Variants in PDE10A observed in about 807,000 individuals in gnomAD.
The protein encoded by PDE10A is phosphodiesterase 10A, also known as cAMP and cAMP-inhibited cGMP 3',5'-cyclic phosphodiesterase 10A.
Under a neutral mutation model 97.7 loss-of-function variants are expected in PDE10A, and 39 were observed. That is an observed-to-expected ratio of 0.40 (90% CI 0.31 to 0.52). The LOEUF (loss-of-function observed/expected upper bound fraction) is 0.52. PDE10A is among the 20% of genes least tolerant of loss of function. The pLI, the probability that PDE10A is intolerant of heterozygous loss-of-function variation, is 0.56. For synonymous variants in PDE10A, 371 were observed against 376.8 expected, an observed-to-expected ratio of 0.98 and a Z score of 0.18; for missense variants, 731 against 1,047.8, an observed-to-expected ratio of 0.70 and a Z score of 4.17.
chr6:165,501,655 G>C (rs1248002611), intron 2 of PDE10A, among the ~76,000 whole-genome samples: 3 of 152,006 alleles, frequency 2.0e-5, no homozygotes, highest in Non-Finnish European at 4.4e-5. Context: ...AAAATGCAAG[G>C]TAAGAAAACT....
chr6:165,878,169 A>AT (rs1781393127), intron 1 of PDE10A, among the ~76,000 whole-genome samples: 1 of 152,196 alleles, frequency 6.6e-6, no homozygotes, highest in African/African-American at 2.4e-5. Context: ...AACCTGCCAC[A>AT]TTTTACAAAA....
At chr6:165,788,518 C>CAAAAAAAAAAAAAAAAAAAAAAAAAAA (rs56927613) in intron 1 of PDE10A, among the ~76,000 whole-genome samples, 6 of 74,740 alleles carry the variant, frequency 8.0e-5, no homozygotes, top group Non-Finnish European at 1.4e-4. Flanking sequence ...AACTCTGTCT[C>CAAAAAAAAAAAAAAAAAAAAAAAAAAA]AAAAAAAAAA....
chr6:165,717,895 G>C (rs576973596), intron 1 of PDE10A, among the ~76,000 whole-genome samples: 2 of 152,296 alleles, frequency 1.3e-5, no homozygotes, highest in Admixed American at 1.3e-4. Flanking sequence ...CTTCTCTGGA[G>C]AAACATCTAC....
intron 1 of PDE10A, among the ~76,000 whole-genome samples, chr6:165,718,674 G>A (rs1469444794): frequency 6.6e-6 from 1 of 151,726 alleles, no homozygotes; most frequent in East Asian, 1.9e-4. Flanking sequence ...ACAGGAGAGT[G>A]TTTCCTGGAG....
chr6:165,749,899 A>G (rs1361860981), intron 1 of PDE10A, among the ~76,000 whole-genome samples: 5 of 152,248 alleles, frequency 3.3e-5, no homozygotes, highest in Non-Finnish European at 5.9e-5. Flanking sequence ...TACATGGAGT[A>G]ACTTTTCTCT....
Position 165,719,645 on chromosome 6 carries a change from C to A in PDE10A, c.-614-176077G>T, listed in dbSNP as rs529436304. ...GTGACAGGTGTGCAACAGGTGTAAC[C>A]CAGGTGGGTGGTAGGGCAGACGCTG... On this transcript the variant is annotated intron_variant, in intron 1 of 19. Coordinates refer to the PDE10A transcript ENST00000366882. Among the ~76,000 whole-genome samples the A allele has an allele frequency of 2.0e-5, 3 of 150,566 alleles. No individual in the cohort carries two copies. In the South Asian group the frequency reaches 6.4e-4, roughly 32 times the overall value.
At chr6:165,934,674 A>G (rs559893897) in intron 1 of PDE10A, among the ~76,000 whole-genome samples, 9 of 152,336 alleles carry the variant, frequency 5.9e-5, no homozygotes, top group Admixed American at 1.3e-4. Flanking sequence ...TTTCCCAGAT[A>G]CTTATCCAGT....
intron 1 of PDE10A, among the ~76,000 whole-genome samples, chr6:165,584,554 C>G (rs1051395839): frequency 3.3e-5 from 5 of 152,170 alleles, no homozygotes; most frequent in Non-Finnish European, 5.9e-5. Flanking sequence ...GGAGCCAGCA[C>G]CATTTTGTGT....
intron 1 of PDE10A, among the ~76,000 whole-genome samples, chr6:165,936,122 G>A (rs1562805870): frequency 6.6e-6 from 1 of 152,212 alleles, no homozygotes; most frequent in South Asian, 2.1e-4. Context: ...AGATGGGTCA[G>A]GGAGTGGGGA....
chr6:165,607,138 C>A (rs778735430), intron 1 of PDE10A, among the ~76,000 whole-genome samples: 1 of 152,188 alleles, frequency 6.6e-6, no homozygotes, highest in Non-Finnish European at 1.5e-5. Flanking sequence ...TTTAAGAAAT[C>A]CACTGACTGC....
chr6:165,874,250 G>T (rs953356126), intron 1 of PDE10A, among the ~76,000 whole-genome samples: 1 of 152,184 alleles, frequency 6.6e-6, no homozygotes, highest in African/African-American at 2.4e-5. Flanking sequence ...TTTTTCAAAT[G>T]TGGAGACAGA....
chr6:165,637,014 A>G (rs73251563), intron 1 of PDE10A, among the ~76,000 whole-genome samples: 1,564 of 152,338 alleles, frequency 0.01, 23 homozygotes, highest in African/African-American at 0.034. Context: ...AGAGCAGCTC[A>G]TATGTATTCA....
At chr6:165,728,548 C>A (rs116980725) in intron 1 of PDE10A, among the ~76,000 whole-genome samples, 1 of 152,098 alleles carries the variant, frequency 6.6e-6, no homozygotes, top group Non-Finnish European at 1.5e-5. Context: ...AAAACTACCA[C>A]GCAAGATGGC....
intron 1 of PDE10A, among the ~76,000 whole-genome samples, chr6:165,916,466 C>T (rs1291796266): frequency 2.6e-5 from 4 of 152,284 alleles, no homozygotes; most frequent in African/African-American, 9.6e-5. Context: ...TTTGTCATAT[C>T]GTAAATGAAG....
chr6:165,817,419 C>T (rs1186131391), intron 1 of PDE10A, among the ~76,000 whole-genome samples: 1 of 152,080 alleles, frequency 6.6e-6, no homozygotes, highest in Non-Finnish European at 1.5e-5. Flanking sequence ...TTCAGGGCAT[C>T]CAATTCAGAG....
chr6:165,594,485 T>G (rs1165543152), intron 1 of PDE10A, among the ~76,000 whole-genome samples: 2 of 152,166 alleles, frequency 1.3e-5, no homozygotes, highest in Admixed American at 6.6e-5. Flanking sequence ...GAGTCCTTAA[T>G]GATACCCAAA....
chr6:165,883,654 G>A (rs1781549930), intron 1 of PDE10A, among the ~76,000 whole-genome samples: 1 of 152,178 alleles, frequency 6.6e-6, no homozygotes, highest in Non-Finnish European at 1.5e-5. Context: ...GCTGGCTGAG[G>A]GGTCTAGGGG....
At chr6:165,422,446 C>G (rs539777309) in intron 10 of PDE10A, among the ~76,000 whole-genome samples, 3,354 of 145,446 alleles carry the variant, frequency 0.023, 421 homozygotes, top group African/African-American at 0.078. Flanking sequence ...TACACACATA[C>G]GCATATACAC....
At chr6:165,607,875 C>T (rs952159405) in intron 1 of PDE10A, among the ~76,000 whole-genome samples, 1 of 152,012 alleles carries the variant, frequency 6.6e-6, no homozygotes, top group East Asian at 1.9e-4. Flanking sequence ...AAATCCCCGA[C>T]AATGTCAATG....
Sources: allele counts gnomAD v4.1 joint callset (sites outside exome capture counted in the v4.1 genomes callset), GRCh38; gene constraint gnomAD v4.1.1; transcripts MANE v1.5; gene names NCBI Gene and HGNC (gene_info 2026-07-23, HGNC 2026-07-21).